The following CPSF1 variants were observed in gnomAD, a reference collection of about 807,000 sequenced individuals.
CPSF1 encodes the protein cleavage and polyadenylation specificity factor subunit 1.
Under a neutral mutation model 175.8 loss-of-function variants are expected in CPSF1, and 106 were observed. That is an observed-to-expected ratio of 0.60 (90% CI 0.52 to 0.71). CPSF1 has a LOEUF of 0.71. Ranked by LOEUF, CPSF1 falls within the 30% of genes least tolerant of loss-of-function variation. The pLI, the probability that CPSF1 is intolerant of heterozygous loss-of-function variation, is 0.00. For synonymous variants in CPSF1, 1,024 were observed against 858.3 expected, an observed-to-expected ratio of 1.19 and a Z score of -3.37; for missense variants, 1,734 against 2,022.9, an observed-to-expected ratio of 0.86 and a Z score of 2.74.
In CPSF1 at chr8:144,397,472, C is replaced by G. The variant is rs373848158; in HGVS notation, c.2385+15G>C. 6 of 1,596,890 alleles carry G rather than the reference C, an allele frequency of 3.8e-6. No homozygotes were observed. Among genetic ancestry groups the G allele is most frequent in the Non-Finnish European group, 5.1e-6 (6 of 1,170,486 alleles). ...GGGTGGAACCCGCTGGGCCACAGTGCAGGGCACCACCTACCTCCATGGTGC... is the reference window on the plus strand; with the variant it reads ...GGGTGGAACCCGCTGGGCCACAGTGGAGGGCACCACCTACCTCCATGGTGC... On this transcript the variant is annotated intron_variant, in intron 22 of 37. Transcript: ENST00000616140.
Position 144,397,330 on chromosome 8 carries a change from A to G in CPSF1, c.2469T>C (p.Phe823=), listed in dbSNP as rs1820836009. Residue 823 remains phenylalanine (F), a synonymous_variant, in exon 23 of 38, where the codon TTT becomes TTC. Transcript: ENST00000616140. ...CCTCGCCCTGTGTAGTGGGCTGTCCAAAGGAGCTGTCCACAAGGACCCGCT... is the reference window on the plus strand; with the variant it reads ...CCTCGCCCTGTGTAGTGGGCTGTCCGAAGGAGCTGTCCACAAGGACCCGCT... ...VGQRVLVDSS[F]GQPTTQGEAR... is the part of the protein sequence containing the mutation. The G allele has an allele frequency of 6.4e-7, 1 of 1,558,204 alleles. No individual in the cohort carries two copies. The highest frequency in any genetic ancestry group is 8.7e-7 in the Non-Finnish European group (1 of 1,151,578).
chr8:144,409,187 G>T lies in CPSF1; in HGVS notation c.-14-15C>A. The T allele has an allele frequency of 6.3e-7, 1 of 1,577,340 alleles. No individual in the cohort carries two copies. The highest frequency in any genetic ancestry group is 1.1e-5 in the South Asian group (1 of 87,634). ...GCCAACCCGGGCTGCGCAAGGCCGG[G>T]AGAGGAAGGGTGAGCGGGGTCGCCC... is the stretch of plus-strand genomic sequence containing the variant. On this transcript the variant is annotated splice_polypyrimidine_tract_variant and intron_variant, in intron 1 of 37. Coordinates refer to ENST00000616140, the MANE Select transcript of CPSF1 (RefSeq NM_013291.3).
chr8:144,400,486 C>A lies in CPSF1; in HGVS notation c.694G>T (p.Ala232Ser). 6.2e-7 allele frequency: 1 copy of A among 1,612,816 alleles called. No homozygotes were observed. The highest frequency in any genetic ancestry group is 8.5e-7 in the Non-Finnish European group (1 of 1,179,942). Residue 232 changes from alanine (A) to serine (S), a missense_variant, in exon 8 of 38, where the codon GCC becomes TCC. Coordinates refer to ENST00000616140, the MANE Select transcript of CPSF1 (RefSeq NM_013291.3). ...ATGGAGCACGTGTCCTGCCGCACGG[C>A]CACGCGCCTGGGGACGCCAGTGGGT... ...EPNQTWPGRV[A>S]VRQDTCSIVA...
Position 144,395,477 on chromosome 8 carries a change from C to A in CPSF1, c.3054G>T (p.Leu1018=). Residue 1018 remains leucine (L), a synonymous_variant, in exon 27 of 38, where the codon CTG becomes CTT. Transcript: ENST00000616140. ...DAPWPVRKIP[L]RCTAHYVAYH... ...AAGCCACATAGTGGGCCGTGCAGCGCAGCGGGATCTTCCTGACAGGCCATG... is the reference window on the plus strand; with the variant it reads ...AAGCCACATAGTGGGCCGTGCAGCGAAGCGGGATCTTCCTGACAGGCCATG... 7 of 1,609,406 alleles carry A rather than the reference C, an allele frequency of 4.3e-6. No homozygotes were observed. The highest frequency in any genetic ancestry group is 5.9e-6 in the Non-Finnish European group (7 of 1,177,858).
chr8:144,396,527 G>A, intron 25 of CPSF1, 27 bp from the exon 26 acceptor site: 4 of 1,610,638 alleles, frequency 2.5e-6, no homozygotes, highest in Non-Finnish European at 3.4e-6. Context: ...TGAGGATGCT[G>A]TGGATGAGGA....
chr8:144,394,033 C>G lies in CPSF1; in HGVS notation c.3865G>C (p.Glu1289Gln), dbSNP rs782327238. Residue 1289 changes from glutamate to glutamine, a missense_variant, in exon 35 of 38, where the codon GAG (glutamate) becomes CAG (glutamine). This residue lies in a region of CPSF1 where 323 missense variants were observed against 338.5 expected (regional missense o/e 0.95). Coordinates refer to ENST00000616140, the MANE Select transcript of CPSF1 (RefSeq NM_013291.3). ...MVYMYLPEAK[E>Q]SFGGMRLLRR... ...AGCAGGCGCATGCCCCCGAAACTCT[C>G]CTTGGCTAGACCAGAAAGGCCTAGG... The G allele has an allele frequency of 1.2e-6, 2 of 1,611,432 alleles. No homozygotes were observed. Among genetic ancestry groups the G allele is most frequent in the East Asian group, 4.5e-5 (2 of 44,786 alleles).
Position 144,395,108 on chromosome 8 carries a change from G to A in CPSF1, c.3262C>T (p.Pro1088Ser), listed in dbSNP as rs1426984425. The change falls in exon 29 of 38, where the codon CCC becomes TCC. Residue 1088 changes from proline (P) to serine (S), a missense_variant. By Grantham distance (74) the Pro-to-Ser change is moderately conservative (BLOSUM62 -1). Around this residue, in one of 10 missense-constraint regions of CPSF1, gnomAD observed 585 missense variants for 584.7 expected, o/e 1.00. Transcript: ENST00000616140. ...CCGGCCCAGCCTCACCTGGCATTGGGAATAGCCTCCCAGCTGACCGGGGAG... is the reference window on the plus strand; with the variant it reads ...CCGGCCCAGCCTCACCTGGCATTGGAAATAGCCTCCCAGCTGACCGGGGAG... ...LISPVSWEAI[P>S]NARIELQEWE... 2 of 1,610,784 alleles carry A rather than the reference G, an allele frequency of 1.2e-6. No individual in the cohort carries two copies. Among genetic ancestry groups the A allele is most frequent in the Non-Finnish European group, 1.7e-6 (2 of 1,178,572 alleles).
rs1554862074 is a variant in CPSF1, at chr8:144,393,519, C to G, written c.4217G>C (p.Arg1406Pro). 1.3e-6 allele frequency: 2 copies of G among 1,592,582 alleles called. No individual in the cohort carries two copies. The highest frequency in any genetic ancestry group is 2.3e-5 in the South Asian group (2 of 87,324). Residue 1406 changes from arginine to proline, a missense_variant, in exon 37 of 38, where the codon CGC becomes CCC. By Grantham distance (103) the Arg-to-Pro change is moderately radical (BLOSUM62 -2). Coordinates refer to ENST00000616140, the MANE Select transcript of CPSF1 (RefSeq NM_013291.3). The stretch of plus-strand genomic sequence containing the variant: ...CTCCATGGTGCTCAGGTACAGGTAG[C>G]GGTTGAGCAGCTCCCCATCCAGCAC... ...RNVLDGELLN[R>P]YLYLSTMERS...
At position 144,407,953 on chromosome 8, in the gene CPSF1, G is replaced by C. The variant is rs1044966295; in HGVS notation, c.144+1062C>G. ...CCCAGGGAGGGGCCCATGTGGTGAG[G>C]AACTGCGGCCTCCTGCCAATAGTGT... is the stretch of plus-strand genomic sequence containing the variant. On this transcript the variant is annotated intron_variant, in intron 2 of 37. Transcript: ENST00000616140. 3.3e-5 allele frequency among the ~76,000 whole-genome samples: 5 copies of C among 152,308 alleles called. No individual in the cohort carries two copies. The South Asian group carries it at 8.3e-4, about 25-fold the overall frequency.
rs2116865825 is a variant in CPSF1 at position 144,399,744 on chromosome 8, G to A, written c.1120-34C>T. 6.8e-5 allele frequency: 108 copies of A among 1,599,106 alleles called. No individual in the cohort carries two copies. The highest frequency in any genetic ancestry group is 9.0e-5 in the Non-Finnish European group (106 of 1,173,374). ...GGGCAGGTGTGTGATGGCTGGGCCG[G>A]GTCTGGACCCAGACCCAACCCCTAG... On this transcript the variant is annotated intron_variant, in intron 11 of 37. Transcript: ENST00000616140. The surrounding 1 kb of genome is among the most constrained non-coding windows in gnomAD (Gnocchi z 6.4).
In CPSF1 at chr8:144,397,303, G is replaced by A. The variant is rs1554864284; in HGVS notation, c.2496C>T (p.Ala832=). Reference sequence around the variant, plus strand: ...CCTGGCGCGTGGCCTCCTCCCTGCGGGCCTCGCCCTGTGTAGTGGGCTGTC... The same window carrying A: ...CCTGGCGCGTGGCCTCCTCCCTGCGAGCCTCGCCCTGTGTAGTGGGCTGTC... ...SFGQPTTQGE[A]RREEATRQGE... is the part of the protein sequence containing the mutation. The change falls in exon 23 of 38, where the codon GCC becomes GCT. Residue 832 remains alanine (A), a synonymous_variant. Transcript: ENST00000616140. 1.3e-6 allele frequency: 2 copies of A among 1,551,894 alleles called. No homozygotes were observed. Among genetic ancestry groups the A allele is most frequent in the Non-Finnish European group, 1.7e-6 (2 of 1,148,196 alleles).
In CPSF1 at chr8:144,397,402, A is replaced by G. The variant is rs200944727; in HGVS notation, c.2397T>C (p.Leu799=). The change falls in exon 23 of 38, where the codon CTT becomes CTC. Residue 799 remains leucine, a synonymous_variant. Coordinates refer to ENST00000616140, the MANE Select transcript of CPSF1 (RefSeq NM_013291.3). ...RENGTMEIYQ[L]PDWRLVFLVK... ...CCAGGAACACCAGCCGCCAGTCGGG[A>G]AGCTGGTAGATCTGCAGGGTGGGCA... is the stretch of plus-strand genomic sequence containing the variant. 546 of 1,573,330 alleles carry G rather than the reference A, an allele frequency of 3.5e-4. 2 individuals are homozygous for G. In the African/African-American group the frequency reaches 6.4e-3, roughly 19 times the overall value.
Position 144,396,862 on chromosome 8 carries a change from T to C in CPSF1, c.2660A>G (p.Asn887Ser). The C allele has an allele frequency of 6.2e-7, 1 of 1,613,920 alleles. No individual in the cohort carries two copies. Among genetic ancestry groups the C allele is most frequent in the Non-Finnish European group, 8.5e-7 (1 of 1,179,918 alleles). The stretch of plus-strand genomic sequence containing the variant: ...CACCTTCTTAAAGCGGACTTTGAGA[T>C]TGCCCTGGCCGAGCTGAGAGTCGTG... ...FPHDSQLGQG[N>S]LKVRFKKVPH... The change falls in exon 24 of 38, where the codon AAT (asparagine) becomes AGT (serine). Residue 887 changes from asparagine (N) to serine (S), a missense_variant. By Grantham distance (46) the Asn-to-Ser change is conservative (BLOSUM62 1). Around this residue, in one of 10 missense-constraint regions of CPSF1, gnomAD observed 585 missense variants for 584.7 expected, o/e 1.00. Transcript: ENST00000616140.
chr8:144,400,135 G>GGGGCGCCCCCC, intron 9 of CPSF1, 31 bp downstream of exon 9: 4 of 896,012 alleles, frequency 4.5e-6, no homozygotes, highest in Non-Finnish European at 6.4e-6. Context: ...CCGTCCCCGG[G>GGGGCGCCCCCC]CCCCCCCCGC....
chr8:144,405,078 A>C (rs1427630091), intron 2 of CPSF1, among the ~76,000 whole-genome samples: 1 of 143,770 alleles, frequency 7.0e-6, no homozygotes, highest in Non-Finnish European at 1.5e-5. Flanking sequence ...AGAAAAAAAA[A>C]CCTTGAAAAT....
chr8:144,394,385 C>A lies in CPSF1; in HGVS notation c.3738G>T (p.Val1246=), dbSNP rs782799371. The change falls in exon 32 of 38, where the codon GTG becomes GTT. Residue 1246 remains valine (V), a synonymous_variant. Coordinates refer to ENST00000616140, the MANE Select transcript of CPSF1 (RefSeq NM_013291.3). ...ACCGCCGCCACAGGTGTACCCGCGA[C>A]ACCAGGCTCAGCGTCTTGCTTTCCT... ...YQEESKTLSL[V]SRDAKPLEVY... is the part of the protein sequence containing the mutation. The A allele has an allele frequency of 9.3e-5, 150 of 1,604,690 alleles. No homozygotes were observed. Among genetic ancestry groups the A allele is most frequent in the Non-Finnish European group, 1.2e-4 (143 of 1,175,022 alleles).
In CPSF1 at chr8:144,409,260, C is replaced by A. The variant is rs2116913922; in HGVS notation, c.-15+29G>T. 9.1e-6 allele frequency: 10 copies of A among 1,101,302 alleles called. No individual in the cohort carries two copies. In the South Asian group the frequency reaches 4.4e-4, roughly 48 times the overall value. 68.2% of individuals were successfully genotyped at this position (1,101,302 alleles called of 1,614,324 possible). ...CGCGCCCCTCCCCGGCCTCGCGCTG[C>A]CGCCTCGGCCGCCCGCCCGGCCGCC... On this transcript the variant is annotated intron_variant, in intron 1 of 37. Transcript: ENST00000616140.
rs968108046 is a variant in CPSF1 at position 144,397,510 on chromosome 8, C to A, written c.2362G>T (p.Val788Leu). The change falls in exon 22 of 38, where the codon GTG becomes TTG. Residue 788 changes from valine (V) to leucine (L), a missense_variant. Val to Leu is a conservative substitution (Grantham distance 32, BLOSUM62 1). Around this residue, in one of 10 missense-constraint regions of CPSF1, gnomAD observed 585 missense variants for 584.7 expected, o/e 1.00. Coordinates refer to ENST00000616140, the MANE Select transcript of CPSF1 (RefSeq NM_013291.3). ...ACCTCCATGGTGCCATTCTCCCGCA[C>A]CAGCAGGCACCAGTGGGTAGGCTCT... ...RAEPTHWCLL[V>L]RENGTMEIYQ... 3 of 1,586,130 alleles carry A rather than the reference C, an allele frequency of 1.9e-6. No homozygotes were observed. The highest frequency in any genetic ancestry group is 1.1e-5 in the South Asian group (1 of 88,202).
chr8:144,400,561 AG>A, intron 7 of CPSF1, 68 bp from the exon 8 acceptor site: 1 of 1,607,648 alleles, frequency 6.2e-7, no homozygotes, highest in Non-Finnish European at 8.5e-7. Flanking sequence ...GCTCCTCCCG[AG>A]CAAGCCCCAC....
Sources: allele counts gnomAD v4.1 joint callset (sites outside exome capture counted in the v4.1 genomes callset), GRCh38; gene constraint gnomAD v4.1.1; regional missense constraint gnomAD v4.1.1; non-coding constraint Gnocchi (gnomAD v3.1); transcripts MANE v1.5; gene names NCBI Gene and HGNC (gene_info 2026-07-23, HGNC 2026-07-21).